ZNF510: variants seen among roughly 807,000 people sequenced by gnomAD.
The protein encoded by ZNF510 is zinc finger protein 510.
Under a neutral mutation model 18.1 loss-of-function variants are expected in ZNF510, and 15 were observed. The ratio of observed to expected loss-of-function variants is 0.83; its 90% CI spans 0.55 to 1.28. ZNF510 has a LOEUF of 1.28. ZNF510 is among the 50% of genes most tolerant of loss of function. The pLI, the probability that ZNF510 is intolerant of heterozygous loss-of-function variation, is 0.00. For synonymous variants in ZNF510, 261 were observed against 266.4 expected, an observed-to-expected ratio of 0.98 and a Z score of 0.20; for missense variants, 724 against 791.8, an observed-to-expected ratio of 0.91 and a Z score of 1.03.
intron 5 of ZNF510, 140 bp from the exon 6 acceptor site, chr9:96,760,617 T>C: frequency 1.4e-6 from 1 of 722,700 alleles, no homozygotes. Flanking sequence ...TGTAAATATA[T>C]ATATCTCAGA....
At position 96,768,164 on chromosome 9, in the gene ZNF510, C is replaced by T. The variant is rs183146342; in HGVS notation, c.130-4532G>A. ...AGAAAAAGCATTTGACAAAAATATCCTTTCATGATAAAAACAAACATTTAA... is the reference window on the plus strand; with the variant it reads ...AGAAAAAGCATTTGACAAAAATATCTTTTCATGATAAAAACAAACATTTAA... On this transcript the variant is annotated intron_variant, in intron 3 of 5. Coordinates refer to ENST00000223428, the MANE Select transcript of ZNF510 (RefSeq NM_014930.3). Among the ~76,000 whole-genome samples, 126 of 152,236 alleles carry T rather than the reference C, an allele frequency of 8.3e-4. 1 individual carries two copies. Among genetic ancestry groups the T allele is most frequent in the Non-Finnish European group, 1.3e-4 (9 of 68,014 alleles).
chr9:96,768,216 G>A (rs1849515944), intron 3 of ZNF510, among the ~76,000 whole-genome samples: 1 of 152,128 alleles, frequency 6.6e-6, no homozygotes, highest in Admixed American at 6.5e-5. Flanking sequence ...TAGAACTGCT[G>A]CAACACAATA....
intron 5 of ZNF510, 36 bp from the exon 6 acceptor site, chr9:96,760,513 T>G (rs1218570750): frequency 6.5e-7 from 1 of 1,535,976 alleles, no homozygotes; most frequent in Non-Finnish European, 8.7e-7. Context: ...TTATGACTCT[T>G]ACATCTTCTG....
chr9:96,775,936 C>A, intron 2 of ZNF510, 64 bp downstream of exon 2: 1 of 1,554,974 alleles, frequency 6.4e-7, no homozygotes, highest in East Asian at 2.4e-5. Flanking sequence ...GAGAAAAGCC[C>A]TCCAGTAATG....
chr9:96,765,566 G>A (rs1362281022), intron 3 of ZNF510, among the ~76,000 whole-genome samples: 1 of 151,470 alleles, frequency 6.6e-6, no homozygotes, highest in African/African-American at 2.4e-5. Flanking sequence ...AGGCTGGAGT[G>A]CAGTGATGTG....
intron 5 of ZNF510, among the ~76,000 whole-genome samples, chr9:96,761,200 T>G (rs1006337335): frequency 6.6e-6 from 1 of 152,218 alleles, no homozygotes; most frequent in South Asian, 2.1e-4. Context: ...ATTGATTTAT[T>G]CCATCAGAAC....
In ZNF510 at chr9:96,776,650, C is replaced by T. The variant is rs145527639; in HGVS notation, c.-176-405G>A. ...AATTAGCTGGGCATGGCCATGCATG[C>T]TTGTAATTCCAGCTGAGATTACAAG... is the stretch of plus-strand genomic sequence containing the variant. On this transcript the variant is annotated intron_variant, in intron 1 of 5. Transcript: ENST00000223428. 2.0e-5 allele frequency among the ~76,000 whole-genome samples: 3 copies of T among 152,298 alleles called. No homozygotes were observed. The East Asian group carries it at 5.8e-4, about 29-fold the overall frequency.
At chr9:96,777,782 ACGCC>A (rs2118094666) in intron 1 of ZNF510, 1 of 152,286 alleles carries the variant, frequency 6.6e-6, no homozygotes, top group East Asian at 1.9e-4. Flanking sequence ...GCGTTTTCCG[ACGCC>A]TGGCTGCATT....
rs200261462 is a variant in ZNF510, at chr9:96,774,875, T to G, written c.71-29A>C. 144 of 1,607,362 alleles carry G rather than the reference T, an allele frequency of 9.0e-5. 1 individual carries two copies. The East Asian group carries it at 2.3e-3, about 25-fold the overall frequency. On this transcript the variant is annotated intron_variant, in intron 2 of 5. Transcript: ENST00000223428. Reference sequence around the variant, plus strand: ...GGGGTGAGGAAGGAGTCATGAGAGATCTGGGCAGCCTCCATCTTACCTGCC... The same window carrying G: ...GGGGTGAGGAAGGAGTCATGAGAGAGCTGGGCAGCCTCCATCTTACCTGCC...
intron 5 of ZNF510, among the ~76,000 whole-genome samples, chr9:96,762,661 A>C (rs542158135): frequency 2.0e-5 from 3 of 152,190 alleles, no homozygotes; most frequent in Admixed American, 6.5e-5. Context: ...AACTCACTTC[A>C]TATCTGTTAT....
intron 3 of ZNF510, among the ~76,000 whole-genome samples, chr9:96,774,544 A>C (rs1419124671): frequency 6.6e-6 from 1 of 152,074 alleles, no homozygotes; most frequent in Non-Finnish European, 1.5e-5. Flanking sequence ...CTGTAAAAAA[A>C]ATACTGTCTG....
Position 96,759,567 on chromosome 9 carries a change from T to C in ZNF510, c.1263A>G (p.Gln421=), listed in dbSNP as rs567824819. The C allele has an allele frequency of 1.5e-5, 24 of 1,614,144 alleles. 1 individual carries two copies. In the South Asian group the frequency reaches 2.0e-4, roughly 13 times the overall value. The stretch of plus-strand genomic sequence containing the variant: ...TCTCTCCTGTGTGAGTTCTCTGATG[T>C]TGAATGAGATGTCCTTTCTGACAGA... The part of the protein sequence containing the change: ...KSFCQKGHLI[Q]HQRTHTGEKP... The change falls in exon 6 of 6, where the codon CAA becomes CAG. Residue 421 remains glutamine (Q), a synonymous_variant. Coordinates refer to ENST00000223428, the MANE Select transcript of ZNF510 (RefSeq NM_014930.3).
rs1849319730 is a variant in ZNF510 at position 96,760,473 on chromosome 9, A to G, written c.357T>C (p.Asp119=). ...GCTTGATCAGGTCATCACCTCTGTA[A>G]TCTTCTAAAACAGAAATATTGAAAA... ...EEFSNQSHPK[D]YRGDDLIKQN... is the part of the protein sequence containing the mutation. Residue 119 remains aspartate (D), a synonymous_variant, in exon 6 of 6, where the codon GAT becomes GAC. Transcript: ENST00000223428. 1.3e-6 allele frequency: 2 copies of G among 1,590,234 alleles called. No homozygotes were observed.
At chr9:96,769,994 G>A (rs1440143638) in intron 3 of ZNF510, among the ~76,000 whole-genome samples, 1 of 152,186 alleles carries the variant, frequency 6.6e-6, no homozygotes, top group African/African-American at 2.4e-5. Flanking sequence ...CAGCCACTGT[G>A]GAAAACAGTT....
At chr9:96,763,942 A>T (rs774887180) in intron 3 of ZNF510, among the ~76,000 whole-genome samples, 9 of 152,058 alleles carry the variant, frequency 5.9e-5, no homozygotes, top group Non-Finnish European at 1.3e-4. Context: ...CAAAAAATTT[A>T]AAAAATTAGC....
intron 5 of ZNF510, 25 bp downstream of exon 5, chr9:96,763,093 T>C (rs1849390805): frequency 1.3e-6 from 2 of 1,589,370 alleles, no homozygotes; most frequent in Non-Finnish European, 1.7e-6. Context: ...TGCAGAATTA[T>C]GTCTACTACT....
At chr9:96,765,824 T>G (rs2117990133) in intron 3 of ZNF510, among the ~76,000 whole-genome samples, 1 of 152,272 alleles carries the variant, frequency 6.6e-6, no homozygotes, top group Middle Eastern at 3.4e-3. Flanking sequence ...GATTTCACTT[T>G]TTAAATGGCC....
At chr9:96,767,048 C>A (rs1849488106) in intron 3 of ZNF510, among the ~76,000 whole-genome samples, 1 of 152,166 alleles carries the variant, frequency 6.6e-6, no homozygotes, top group Non-Finnish European at 1.5e-5. Context: ...AGAAATGAGG[C>A]TGGGCATGGT....
At chr9:96,776,644 T>TG (rs1175302580) in intron 1 of ZNF510, among the ~76,000 whole-genome samples, 2 of 152,108 alleles carry the variant, frequency 1.3e-5, no homozygotes, top group African/African-American at 4.8e-5. Context: ...GGCATGGCCA[T>TG]GCATGCTTGT....
Sources: allele counts gnomAD v4.1 joint callset (sites outside exome capture counted in the v4.1 genomes callset), GRCh38; gene constraint gnomAD v4.1.1; transcripts MANE v1.5; gene names NCBI Gene and HGNC (gene_info 2026-07-23, HGNC 2026-07-21).